Variants in COL15A1 observed in about 807,000 individuals in gnomAD.
COL15A1 encodes collagen alpha-1(XV) chain.
A neutral mutation model predicts 165.9 loss-of-function variants in COL15A1; 111 were observed. The observed-to-expected ratio is 0.67, with a 90% CI of 0.57 to 0.78. The LOEUF (loss-of-function observed/expected upper bound fraction) is 0.78. COL15A1 is among the 30% of genes least tolerant of loss of function. The probability of loss-of-function intolerance (pLI) is 0.00; values close to 1 mark genes in which losing one functional copy is unlikely to be tolerated. For synonymous variants in COL15A1, 659 were observed against 674.8 expected (o/e 0.98, Z 0.36); for missense variants, 1,745 against 1,789.7 (o/e 0.98, Z 0.45).
chr9:99,042,059 A>G lies in COL15A1; in HGVS notation c.2526A>G (p.Pro842=), dbSNP rs1274882887. Residue 842 remains proline (P), a synonymous_variant, in exon 24 of 42, where the codon CCA becomes CCG. Transcript: ENST00000375001. The part of the protein sequence containing the change: ...GLPGFPGPRG[P]KGDTGLPGFP... ...ATTCCTTCCAGGGTCCTAGAGGACC[A>G]AAAGGTGACACTGGTTTACCTGGCT... The G allele has an allele frequency of 1.2e-6, 2 of 1,610,288 alleles. No individual in the cohort carries two copies. Among genetic ancestry groups the G allele is most frequent in the Non-Finnish European group, 1.7e-6 (2 of 1,177,312 alleles).
intron 38 of COL15A1, 113 bp downstream of exon 38, chr9:99,062,417 T>A: frequency 1.2e-6 from 1 of 804,618 alleles, no homozygotes; most frequent in South Asian, 1.4e-5. Context: ...CTGTGCACGG[T>A]TTAGTATCTG....
At chr9:98,953,289 C>T (rs1310950980) in intron 2 of COL15A1, among the ~76,000 whole-genome samples, 1 of 152,170 alleles carries the variant, frequency 6.6e-6, no homozygotes, top group Non-Finnish European at 1.5e-5. Flanking sequence ...TGATTACCTT[C>T]TTCTGCTCTA....
At chr9:98,987,399 C>G (rs1838334623) in intron 4 of COL15A1, 31 bp downstream of exon 4, 1 of 1,574,584 alleles carries the variant, frequency 6.4e-7, no homozygotes, top group African/African-American at 1.4e-5. Context: ...ACAGTGGGCC[C>G]TGCAACCCCA....
Position 99,060,429 on chromosome 9 carries a change from ATT to A in COL15A1, c.3402+494_3402+495del, listed in dbSNP as rs36003230. Among the ~76,000 whole-genome samples, 1,115 of 129,576 alleles carry A rather than the reference ATT, an allele frequency of 8.6e-3. 13 individuals carry two copies. The highest frequency in any genetic ancestry group is 0.028 in the African/African-American group (940 of 33,922). 85.0% of individuals were successfully genotyped at this position (129,576 alleles called of 152,430 possible). ...AGATGCACACTACCACACCTGGCTA[ATT>A]TTTTTTTTTTTTTTTTTGTAGAGAC... is the stretch of plus-strand genomic sequence containing the variant. On this transcript the variant is annotated intron_variant, in intron 36 of 41. Coordinates refer to ENST00000375001, the MANE Select transcript of COL15A1 (RefSeq NM_001855.5).
intron 16 of COL15A1, among the ~76,000 whole-genome samples, chr9:99,032,276 TC>T (rs1008163312): frequency 2.2e-4 from 33 of 152,088 alleles, no homozygotes; most frequent in African/African-American, 7.5e-4. Context: ...CACTGCAACC[TC>T]CTCCTGGGTT....
chr9:99,044,869 A>G (rs1179396419), intron 26 of COL15A1, 99 bp downstream of exon 26: 5 of 1,168,888 alleles, frequency 4.3e-6, no homozygotes, highest in Non-Finnish European at 2.5e-6. Flanking sequence ...ATGAAAATTC[A>G]AAGATGTGGC....
intron 22 of COL15A1, among the ~76,000 whole-genome samples, chr9:99,039,165 G>C (rs1033262957): frequency 6.6e-6 from 1 of 152,146 alleles, no homozygotes; most frequent in South Asian, 2.1e-4. Context: ...GAAATTATCT[G>C]TGTGTTAATT....
chr9:98,996,297 G>T lies in COL15A1; in HGVS notation c.805-637G>T, dbSNP rs375135128. ...TGAATGCTGACAAGCGCTGGGTCCCGCGAGCTGCTGCTTGGGTCCAGGGGT... is the reference window on the plus strand; with the variant it reads ...TGAATGCTGACAAGCGCTGGGTCCCTCGAGCTGCTGCTTGGGTCCAGGGGT... On this transcript the variant is annotated intron_variant, in intron 5 of 41. Transcript: ENST00000375001. 3.9e-5 allele frequency among the ~76,000 whole-genome samples: 6 copies of T among 152,284 alleles called. No individual in the cohort carries two copies. In the East Asian group the frequency reaches 7.7e-4, roughly 20 times the overall value.
intron 16 of COL15A1, among the ~76,000 whole-genome samples, 167 bp from the exon 17 acceptor site, chr9:99,034,382 A>T (rs560433934): frequency 6.6e-6 from 1 of 152,154 alleles, no homozygotes; most frequent in African/African-American, 2.4e-5. Flanking sequence ...TGCCCAACAG[A>T]CTGGCACCTA....
intron 14 of COL15A1, among the ~76,000 whole-genome samples, chr9:99,024,357 T>C (rs1253035553): frequency 6.8e-6 from 1 of 147,954 alleles, no homozygotes; most frequent in Admixed American, 6.8e-5. Context: ...CTCGGCTCAC[T>C]GCAAGCTCCA....
At chr9:98,983,212 G>C (rs1050827301) in intron 2 of COL15A1, among the ~76,000 whole-genome samples, 1 of 152,228 alleles carries the variant, frequency 6.6e-6, no homozygotes. Flanking sequence ...AGTTGAGATG[G>C]GGGCATGGCA....
At chr9:99,057,972 A>G (rs936920907) in intron 35 of COL15A1, among the ~76,000 whole-genome samples, 1 of 152,146 alleles carries the variant, frequency 6.6e-6, no homozygotes, top group Non-Finnish European at 1.5e-5. Context: ...CTGGGTGTGA[A>G]GGAGGGAGTG....
At chr9:99,010,373 A>C (rs1475896270) in intron 9 of COL15A1, among the ~76,000 whole-genome samples, 1 of 152,240 alleles carries the variant, frequency 6.6e-6, no homozygotes, top group African/African-American at 2.4e-5. Flanking sequence ...GACAAGAGAC[A>C]AAAGAGTATA....
chr9:98,979,072 G>A (rs1048894447), intron 2 of COL15A1, among the ~76,000 whole-genome samples: 3 of 152,036 alleles, frequency 2.0e-5, no homozygotes, highest in African/African-American at 7.2e-5. Context: ...CTTTTGAAAC[G>A]CTGCCTTGGA....
intron 2 of COL15A1, among the ~76,000 whole-genome samples, chr9:98,959,237 A>C (rs972307465): frequency 6.6e-5 from 10 of 151,434 alleles, no homozygotes; most frequent in Non-Finnish European, 1.5e-4. Context: ...CAAAAAAAAA[A>C]AAAAAAAAAA....
chr9:99,047,725 C>T (rs1433731333), intron 26 of COL15A1, 61 bp from the exon 27 acceptor site: 10 of 1,581,606 alleles, frequency 6.3e-6, no homozygotes, highest in Non-Finnish European at 8.7e-6. Context: ...GCTTGCACTC[C>T]TCATTTCCCT....
At chr9:99,064,380 T>C (rs1312308181) in intron 39 of COL15A1, among the ~76,000 whole-genome samples, 1 of 152,180 alleles carries the variant, frequency 6.6e-6, no homozygotes, top group African/African-American at 2.4e-5. Flanking sequence ...ATTGTGCTGC[T>C]ATTGACCAAG....
At chr9:99,023,279 T>C in intron 13 of COL15A1, 78 bp from the exon 14 acceptor site, 1 of 1,490,198 alleles carries the variant, frequency 6.7e-7, no homozygotes, top group African/African-American at 1.4e-5. Context: ...TTCCCCATTT[T>C]GGAGAAAACT....
intron 36 of COL15A1, among the ~76,000 whole-genome samples, chr9:99,060,283 A>G (rs1293421070): frequency 1.4e-5 from 2 of 144,710 alleles, no homozygotes; most frequent in African/African-American, 5.1e-5. Flanking sequence ...TGAGGGGTGG[A>G]CGGGGTCTCA....
Sources: gnomAD v4.1 joint callset for allele counts (sites outside exome capture counted in the v4.1 genomes callset) on GRCh38, gnomAD v4.1.1 for gene constraint, MANE v1.5 for transcripts, NCBI Gene and HGNC (gene_info 2026-07-23, HGNC 2026-07-21) for gene names.